Variants in RAMP1 observed in about 807,000 individuals in gnomAD.
RAMP1 encodes receptor activity modifying protein 1.
A neutral mutation model predicts 8.2 loss-of-function variants in RAMP1; 7 were observed. The ratio of observed to expected loss-of-function variants is 0.85; its 90% confidence interval spans 0.49 to 1.60. RAMP1 has a LOEUF of 1.60. Among genes scored for constraint, RAMP1 ranks in the 40% most tolerant of loss-of-function variants. The pLI, the probability that RAMP1 is intolerant of heterozygous loss-of-function variation, is 0.00. For synonymous variants in RAMP1, 92 were observed against 84.7 expected (o/e 1.09, Z -0.47); for missense variants, 192 against 202.4 (o/e 0.95, Z 0.31).
intron 2 of RAMP1, among the ~76,000 whole-genome samples, chr2:237,886,364 G>A (rs1227786782): frequency 6.6e-6 from 1 of 152,210 alleles, no homozygotes; most frequent in African/African-American, 2.4e-5. Context: ...TTCAGGTCAG[G>A]GGTTGCCTCA....
At chr2:237,885,688 C>T (rs2062421307) in intron 2 of RAMP1, among the ~76,000 whole-genome samples, 1 of 152,256 alleles carries the variant, frequency 6.6e-6, no homozygotes, top group Admixed American at 6.5e-5. Context: ...CTACTGACCT[C>T]CCTGCCCACC....
chr2:237,882,640 G>A (rs113831404), intron 2 of RAMP1, among the ~76,000 whole-genome samples: 5 of 152,202 alleles, frequency 3.3e-5, no homozygotes, highest in Non-Finnish European at 4.4e-5. Context: ...GAGGTCCATC[G>A]CATTGAGACA....
chr2:237,864,366 C>T (rs79369722), intron 1 of RAMP1, among the ~76,000 whole-genome samples: 13 of 152,314 alleles, frequency 8.5e-5, no homozygotes, highest in South Asian at 4.1e-4. Context: ...GGCCCCAGGC[C>T]GGGAGGGGAA....
intron 1 of RAMP1, among the ~76,000 whole-genome samples, chr2:237,866,429 C>T (rs928198350): frequency 1.3e-5 from 2 of 152,112 alleles, no homozygotes; most frequent in South Asian, 2.1e-4. Flanking sequence ...GGTGGTCCTA[C>T]CACCTCTTAA....
intron 2 of RAMP1, among the ~76,000 whole-genome samples, chr2:237,885,261 C>G (rs2062416358): frequency 6.6e-6 from 1 of 151,424 alleles, no homozygotes; most frequent in Non-Finnish European, 1.5e-5. Context: ...GGCAGGGTGT[C>G]CTCCTGGATT....
At chr2:237,886,137 G>A (rs2062430345) in intron 2 of RAMP1, among the ~76,000 whole-genome samples, 1 of 152,160 alleles carries the variant, frequency 6.6e-6, no homozygotes, top group African/African-American at 2.4e-5. Flanking sequence ...CCATGGGGAC[G>A]AGCTGTAGAC....
At chr2:237,859,580 C>T (rs964103363), upstream of RAMP1, 167 of 931,994 alleles carry the variant, frequency 1.8e-4, 1 homozygote, top group Non-Finnish European at 2.0e-4. Context: ...CGCCCGCTCC[C>T]GCCCCCGGCG....
At position 237,865,918 on chromosome 2, in the gene RAMP1, C is replaced by T. The variant is rs904449298; in HGVS notation, c.52+6191C>T. 6.6e-6 allele frequency among the ~76,000 whole-genome samples: 1 copy of T among 152,156 alleles called. No homozygotes were observed. Among genetic ancestry groups the T allele is most frequent in the African/African-American group, 2.4e-5 (1 of 41,430 alleles). On this transcript the variant is annotated intron_variant, in intron 1 of 2. Transcript: ENST00000254661. The surrounding 1 kb of genome is among the most constrained non-coding windows in gnomAD (Gnocchi z 4.2). ...GGCGAAAGCTGCCCTTAGGAGGCAG[C>T]GAGGAGGTGAAACCAGAGAGCATGC...
At chr2:237,863,514 G>A (rs1407503813) in intron 1 of RAMP1, among the ~76,000 whole-genome samples, 1 of 152,170 alleles carries the variant, frequency 6.6e-6, no homozygotes, top group African/African-American at 2.4e-5. Flanking sequence ...GCCACCATAG[G>A]AGGGCTCCCA....
Position 237,911,737 on chromosome 2 carries a change from C to T in RAMP1, c.401C>T (p.Thr134Met), listed in dbSNP as rs61758799. The T allele has an allele frequency of 3.5e-4, 567 of 1,613,172 alleles. 1 individual carries two copies. Among genetic ancestry groups the T allele is most frequent in the African/African-American group, 8.5e-4 (64 of 75,052 alleles). The change falls in exon 3 of 3, where the codon ACG becomes ATG. Residue 134 changes from threonine (T) to methionine (M), a missense_variant. Coordinates refer to ENST00000254661, the MANE Select transcript of RAMP1 (RefSeq NM_005855.4). The part of the protein sequence containing the change: ...VVPITVTLLV[T>M]ALVVWQSKRT... ...CCCATCACGGTGACCCTGCTGGTGA[C>T]GGCACTGGTGGTCTGGCAGAGCAAG...
chr2:237,874,278 A>T (rs2151007029), intron 1 of RAMP1, among the ~76,000 whole-genome samples: 1 of 152,324 alleles, frequency 6.6e-6, no homozygotes, highest in South Asian at 2.1e-4. Flanking sequence ...AGGGAGGGCC[A>T]CCCTGTGGCC....
At chr2:237,889,580 G>T (rs1437807567) in intron 2 of RAMP1, among the ~76,000 whole-genome samples, 1 of 152,104 alleles carries the variant, frequency 6.6e-6, no homozygotes, top group Non-Finnish European at 1.5e-5. Context: ...AATTTAGAAG[G>T]CCTCTCCTAC....
At chr2:237,868,579 A>C (rs1353339502) in intron 1 of RAMP1, among the ~76,000 whole-genome samples, 1 of 120,216 alleles carries the variant, frequency 8.3e-6, no homozygotes, top group Non-Finnish European at 1.6e-5. Flanking sequence ...CCCCCCACCA[A>C]AAAAAAAAAA....
At chr2:237,907,828 G>A (rs547079304) in intron 2 of RAMP1, among the ~76,000 whole-genome samples, 1 of 152,306 alleles carries the variant, frequency 6.6e-6, no homozygotes, top group South Asian at 2.1e-4. Flanking sequence ...TTGACAATGG[G>A]TTGGTTGTTT....
chr2:237,881,568 C>T lies in RAMP1; in HGVS notation c.191+4206C>T, dbSNP rs528900849. 9.8e-5 allele frequency among the ~76,000 whole-genome samples: 15 copies of T among 152,354 alleles called. No homozygotes were observed. In the South Asian group the frequency reaches 3.1e-3, roughly 32 times the overall value. On this transcript the variant is annotated intron_variant, in intron 2 of 2. Transcript: ENST00000254661. ...CGTATGGGGTGCCCGTTTCCCCAGA[C>T]CCACCAACAGACTGTGTTGTCGTCC...
intron 2 of RAMP1, among the ~76,000 whole-genome samples, chr2:237,882,971 G>A (rs75077387): frequency 0.03 from 4,580 of 152,208 alleles, 217 homozygotes; most frequent in African/African-American, 0.1. Flanking sequence ...CTCAAGGACT[G>A]TGAGCCAGGC....
chr2:237,884,873 C>G (rs538823204), intron 2 of RAMP1, among the ~76,000 whole-genome samples: 71 of 152,362 alleles, frequency 4.7e-4, no homozygotes, highest in Non-Finnish European at 9.6e-4. Context: ...ATCATGGGCC[C>G]TCCCCCAGCC....
chr2:237,877,401 G>A lies in RAMP1; in HGVS notation c.191+39G>A, dbSNP rs950228510. ...CCCCTGGTGGGCAGGACACGGTTGGGGAGGGAGAGGGGGCAAGCGGAGGAG... is the reference window on the plus strand; with the variant it reads ...CCCCTGGTGGGCAGGACACGGTTGGAGAGGGAGAGGGGGCAAGCGGAGGAG... On this transcript the variant is annotated intron_variant, in intron 2 of 2. Coordinates refer to ENST00000254661, the MANE Select transcript of RAMP1 (RefSeq NM_005855.4). This position sits in a 1 kb window ranked among gnomAD's most constrained non-coding sequence, Gnocchi z 4.4. The A allele has an allele frequency of 6.3e-7, 1 of 1,588,586 alleles. No individual in the cohort carries two copies.
intron 2 of RAMP1, among the ~76,000 whole-genome samples, chr2:237,885,593 A>G (rs2062419724): frequency 1.3e-5 from 2 of 152,226 alleles, no homozygotes; most frequent in East Asian, 3.9e-4. Flanking sequence ...TCAGGCGTGG[A>G]CAGGACAGAT....
Sources: allele counts gnomAD v4.1 joint callset (sites outside exome capture counted in the v4.1 genomes callset), GRCh38; gene constraint gnomAD v4.1.1; non-coding constraint Gnocchi (gnomAD v3.1); transcripts MANE v1.5; gene names NCBI Gene and HGNC (gene_info 2026-07-23, HGNC 2026-07-21).